The following PTPRD variants were observed in gnomAD, a reference collection of about 807,000 sequenced individuals.
The protein encoded by PTPRD is protein tyrosine phosphatase receptor type D, also known as receptor-type tyrosine-protein phosphatase delta.
In PTPRD, 34 loss-of-function variants were observed where a neutral mutation model predicts 214.5. The ratio of observed to expected loss-of-function variants is 0.16; its 90% CI spans 0.12 to 0.21. PTPRD has a LOEUF of 0.21. Ranked by LOEUF, PTPRD falls within the 10% of genes least tolerant of loss-of-function variation. The pLI is 1.00. For synonymous variants in PTPRD, 1,128 were observed against 845.7 expected (o/e 1.33, Z -5.79); for missense variants, 2,545 against 2,398.7 (o/e 1.06, Z -1.27).
At chr9:10,043,457 G>T (rs1203828019) in intron 3 of PTPRD, among the ~76,000 whole-genome samples, 1 of 151,820 alleles carries the variant, frequency 6.6e-6, no homozygotes, top group African/African-American at 2.4e-5. Context: ...CCTGGTAAAG[G>T]AGTAAAATCC....
At chr9:9,023,450 T>G (rs324494) in intron 10 of PTPRD, among the ~76,000 whole-genome samples, 146,209 of 151,996 alleles carry the variant, frequency 0.96, 70,455 homozygotes, top group Middle Eastern at 1. Flanking sequence ...ACCTGCTCTT[T>G]GTGGATTACT....
At chr9:8,628,335 GT>G (rs975855795) in intron 14 of PTPRD, among the ~76,000 whole-genome samples, 2 of 151,660 alleles carry the variant, frequency 1.3e-5, no homozygotes, top group African/African-American at 2.4e-5. Context: ...AAAGTTGTAT[GT>G]TTTTTTTCCT....
chr9:9,678,456 C>A (rs1343123317), intron 7 of PTPRD, among the ~76,000 whole-genome samples: 1 of 151,886 alleles, frequency 6.6e-6, no homozygotes, highest in African/African-American at 2.4e-5. Flanking sequence ...CTGACAAAAA[C>A]AAGAAATGGG....
At chr9:8,995,033 CAT>C (rs1436127251) in intron 11 of PTPRD, among the ~76,000 whole-genome samples, 5 of 151,874 alleles carry the variant, frequency 3.3e-5, no homozygotes, top group Non-Finnish European at 7.4e-5. Context: ...GTAAAGGAAA[CAT>C]AGGAGACATG....
chr9:10,330,437 T>C (rs911706971), intron 3 of PTPRD, among the ~76,000 whole-genome samples: 5 of 151,850 alleles, frequency 3.3e-5, no homozygotes, highest in Admixed American at 6.6e-5. Flanking sequence ...TGTAGGAATC[T>C]TCTATGTTTA....
intron 9 of PTPRD, among the ~76,000 whole-genome samples, chr9:9,283,694 GA>G (rs1461950727): frequency 6.6e-6 from 1 of 150,966 alleles, no homozygotes; most frequent in Non-Finnish European, 1.5e-5. Flanking sequence ...ACTGGGGCTG[GA>G]AAAAAAATAA....
intron 8 of PTPRD, among the ~76,000 whole-genome samples, chr9:9,398,983 C>A (rs2069051060): frequency 6.6e-6 from 1 of 151,962 alleles, no homozygotes; most frequent in East Asian, 1.9e-4. Flanking sequence ...GTATTACATA[C>A]CCACAATGTC....
At chr9:8,889,041 T>C (rs755115080) in intron 11 of PTPRD, among the ~76,000 whole-genome samples, 46 of 152,220 alleles carry the variant, frequency 3.0e-4, no homozygotes, top group Non-Finnish European at 5.9e-4. Flanking sequence ...AGGATATTCA[T>C]TGCCCATCTA....
At chr9:9,196,560 C>A (rs554036144) in intron 9 of PTPRD, among the ~76,000 whole-genome samples, 58 of 152,222 alleles carry the variant, frequency 3.8e-4, no homozygotes, top group African/African-American at 1.3e-3. Flanking sequence ...CTACTTTATA[C>A]GGTTATGCCA....
chr9:8,480,061 C>T (rs979716367), intron 30 of PTPRD, among the ~76,000 whole-genome samples: 1 of 152,172 alleles, frequency 6.6e-6, no homozygotes, highest in Non-Finnish European at 1.5e-5. Flanking sequence ...TGAATCTATT[C>T]TCTTACTATA....
At chr9:9,573,206 A>G (rs757492304) in intron 8 of PTPRD, among the ~76,000 whole-genome samples, 2 of 151,676 alleles carry the variant, frequency 1.3e-5, no homozygotes, top group Non-Finnish European at 3.0e-5. Context: ...TTTTACAAAC[A>G]TAATGTTGAG....
chr9:9,042,226 T>A (rs1262774491), intron 10 of PTPRD, among the ~76,000 whole-genome samples: 1 of 152,206 alleles, frequency 6.6e-6, no homozygotes, highest in Non-Finnish European at 1.5e-5. Context: ...GTGTCATTCT[T>A]ACTACCTCAT....
intron 11 of PTPRD, among the ~76,000 whole-genome samples, chr9:9,011,862 C>T (rs537171413): frequency 6.6e-6 from 1 of 152,210 alleles, no homozygotes; most frequent in African/African-American, 2.4e-5. Context: ...TTCCTTTGGT[C>T]TCTTTCTCCT....
intron 44 of PTPRD, among the ~76,000 whole-genome samples, chr9:8,322,439 C>T (rs1829329442): frequency 6.6e-6 from 1 of 152,148 alleles, no homozygotes; most frequent in East Asian, 1.9e-4. Context: ...AGCTTTACTG[C>T]TGATATGAAG....
At chr9:9,527,964 G>A (rs1241371161) in intron 8 of PTPRD, among the ~76,000 whole-genome samples, 4 of 152,198 alleles carry the variant, frequency 2.6e-5, no homozygotes, top group Middle Eastern at 3.2e-3. Flanking sequence ...AACAAGTAGT[G>A]TAGGACTATG....
At position 9,494,728 on chromosome 9, in the gene PTPRD, C is replaced by G. The variant is rs570534650; in HGVS notation, c.-237+80004G>C. Among the ~76,000 whole-genome samples the G allele has an allele frequency of 3.9e-5, 6 of 152,216 alleles. No individual in the cohort carries two copies. In the South Asian group the frequency reaches 1.2e-3, roughly 32 times the overall value. On this transcript the variant is annotated intron_variant, in intron 8 of 45. Transcript: ENST00000381196. ...ATTGGAAAACTTCATGTTAAAATGTCGATATGACCCAAAGTGATCTATAGA... is the reference window on the plus strand; with the variant it reads ...ATTGGAAAACTTCATGTTAAAATGTGGATATGACCCAAAGTGATCTATAGA...
At chr9:9,958,573 A>T (rs12351103) in intron 4 of PTPRD, among the ~76,000 whole-genome samples, 1 of 151,958 alleles carries the variant, frequency 6.6e-6, no homozygotes, top group Non-Finnish European at 1.5e-5. Flanking sequence ...AAAACAAAAG[A>T]CTTATGCTGT....
chr9:8,580,834 G>A (rs560705184), intron 14 of PTPRD, among the ~76,000 whole-genome samples: 7 of 152,190 alleles, frequency 4.6e-5, no homozygotes, highest in East Asian at 1.9e-4. Context: ...ACAATTTTTC[G>A]CAATGATAGA....
intron 5 of PTPRD, among the ~76,000 whole-genome samples, chr9:9,856,712 T>C (rs2061623936): frequency 6.6e-6 from 1 of 152,150 alleles, no homozygotes; most frequent in South Asian, 2.1e-4. Flanking sequence ...CCCAATTTTC[T>C]GATGGACCCT....
Sources: gnomAD v4.1 joint callset for allele counts (sites outside exome capture counted in the v4.1 genomes callset) on GRCh38, gnomAD v4.1.1 for gene constraint, MANE v1.5 for transcripts, NCBI Gene and HGNC (gene_info 2026-07-23, HGNC 2026-07-21) for gene names.